PRKG1: variants seen among roughly 807,000 people sequenced by gnomAD.
PRKG1 encodes the protein cGMP-dependent protein kinase 1.
A neutral mutation model predicts 88.1 loss-of-function variants in PRKG1; 35 were observed. The ratio of observed to expected loss-of-function variants is 0.40; its 90% CI spans 0.30 to 0.53. The LOEUF is 0.53. Among genes scored for constraint, PRKG1 ranks in the 20% least tolerant of loss-of-function variants. The pLI, the probability that PRKG1 is intolerant of heterozygous loss-of-function variation, is 0.59. For synonymous variants in PRKG1, 303 were observed against 292.5 expected, an observed-to-expected ratio of 1.04 and a Z score of -0.37; for missense variants, 540 against 839.8, an observed-to-expected ratio of 0.64 and a Z score of 4.41.
intron 2 of PRKG1, among the ~76,000 whole-genome samples, chr10:51,458,363 G>C (rs900225288): frequency 5.3e-5 from 8 of 151,862 alleles, no homozygotes; most frequent in South Asian, 4.1e-4. Flanking sequence ...ACACAAGCAT[G>C]CTCACAGGAA....
intron 3 of PRKG1, among the ~76,000 whole-genome samples, chr10:51,500,909 A>G (rs1184312746): frequency 1.3e-5 from 2 of 152,176 alleles, no homozygotes; most frequent in African/African-American, 4.8e-5. Flanking sequence ...CTGTCCATTG[A>G]TTTATTAGGT....
intron 2 of PRKG1, among the ~76,000 whole-genome samples, chr10:51,453,970 A>C (rs1839509327): frequency 6.6e-6 from 1 of 152,104 alleles, no homozygotes; most frequent in Non-Finnish European, 1.5e-5. Flanking sequence ...GCTGAGAGTC[A>C]AATCAAAAAC....
chr10:51,015,914 G>A (rs1413003792), intron 1 of PRKG1, among the ~76,000 whole-genome samples: 36 of 152,062 alleles, frequency 2.4e-4, no homozygotes, highest in Admixed American at 2.4e-3. Flanking sequence ...AGAGATAGAG[G>A]AAGCCCTCTG....
chr10:51,011,042 TGGATCCTAGCACATCATAACTAAA>T (rs1842988140), intron 1 of PRKG1, among the ~76,000 whole-genome samples: 1 of 152,216 alleles, frequency 6.6e-6, no homozygotes, highest in Non-Finnish European at 1.5e-5. Flanking sequence ...GATTCTCCAG[TGGATCCTAGCACATCATAACTAAA>T]AAGCACCAAT....
At chr10:51,808,327 T>G (rs1839360840) in intron 4 of PRKG1, among the ~76,000 whole-genome samples, 1 of 152,164 alleles carries the variant, frequency 6.6e-6, no homozygotes, top group South Asian at 2.1e-4. Flanking sequence ...CTGGGTGTAG[T>G]GGCTCAGGCC....
chr10:51,540,997 G>A (rs943618715), intron 3 of PRKG1, among the ~76,000 whole-genome samples: 1 of 152,140 alleles, frequency 6.6e-6, no homozygotes, highest in South Asian at 2.1e-4. Flanking sequence ...GATTACAGGC[G>A]TGAGCCACCA....
intron 7 of PRKG1, among the ~76,000 whole-genome samples, chr10:52,072,222 T>G (rs1420146435): frequency 6.7e-6 from 1 of 148,220 alleles, no homozygotes; most frequent in Admixed American, 6.9e-5. Context: ...ATTAATTTGG[T>G]TTTTAGTGAA....
intron 5 of PRKG1, among the ~76,000 whole-genome samples, chr10:51,929,885 A>G (rs900976154): frequency 1.3e-5 from 2 of 152,182 alleles, no homozygotes; most frequent in African/African-American, 2.4e-5. Context: ...AACACCATGA[A>G]ACGTACTGTG....
intron 1 of PRKG1, among the ~76,000 whole-genome samples, chr10:51,022,377 G>A (rs757370561): frequency 6.6e-6 from 1 of 152,168 alleles, no homozygotes; most frequent in Non-Finnish European, 1.5e-5. Context: ...CTCCTCTTCA[G>A]GGCACTGTTG....
chr10:51,260,092 A>G (rs1185420714), intron 2 of PRKG1, among the ~76,000 whole-genome samples: 2 of 152,162 alleles, frequency 1.3e-5, no homozygotes, highest in Non-Finnish European at 2.9e-5. Flanking sequence ...TTTTAATTAG[A>G]GTGAGGTTGT....
intron 2 of PRKG1, among the ~76,000 whole-genome samples, chr10:51,236,353 C>T (rs1838987908): frequency 6.6e-6 from 1 of 151,898 alleles, no homozygotes; most frequent in Non-Finnish European, 1.5e-5. Flanking sequence ...TGTTTATTTC[C>T]TGTGGTATCA....
chr10:51,252,125 C>A (rs1215621074), intron 2 of PRKG1, among the ~76,000 whole-genome samples: 2 of 151,578 alleles, frequency 1.3e-5, no homozygotes, highest in Non-Finnish European at 1.5e-5. Context: ...CAGATCAGAC[C>A]ATATACTGGC....
intron 5 of PRKG1, among the ~76,000 whole-genome samples, chr10:52,013,070 G>A (rs956692469): frequency 1.3e-5 from 2 of 152,166 alleles, no homozygotes. Flanking sequence ...GGCTGCATAC[G>A]TATAATTCTA....
chr10:51,154,773 C>T (rs1249665213), intron 2 of PRKG1, among the ~76,000 whole-genome samples: 1 of 151,864 alleles, frequency 6.6e-6, no homozygotes, highest in Non-Finnish European at 1.5e-5. Flanking sequence ...AGACTTTCTT[C>T]TGGTGACAAA....
In PRKG1 at chr10:51,054,274, A is replaced by T. The variant is rs183714163; in HGVS notation, c.266+62630A>T. ...GTTCCAATTCTGTTTTTAAAGTGCA[A>T]TTACATAGAAGGCATCAAGAGAATT... On this transcript the variant is annotated intron_variant, in intron 1 of 17. Transcript: ENST00000401604. 5.3e-5 allele frequency among the ~76,000 whole-genome samples: 8 copies of T among 152,312 alleles called. No individual in the cohort carries two copies. In the East Asian group the frequency reaches 1.3e-3, roughly 26 times the overall value.
chr10:52,280,605 A>G (rs1352463865), intron 12 of PRKG1, among the ~76,000 whole-genome samples, 184 bp from the exon 13 acceptor site: 1 of 152,136 alleles, frequency 6.6e-6, no homozygotes, highest in Non-Finnish European at 1.5e-5. Context: ...AGAATTCCTT[A>G]ACTTGATCCT....
intron 3 of PRKG1, among the ~76,000 whole-genome samples, chr10:51,776,707 T>A (rs1033774614): frequency 6.6e-6 from 1 of 151,886 alleles, no homozygotes; most frequent in Non-Finnish European, 1.5e-5. Context: ...CACCTGTTAA[T>A]CCCAGTAACT....
At chr10:52,130,581 A>C (rs1469523707) in intron 7 of PRKG1, among the ~76,000 whole-genome samples, 2 of 152,074 alleles carry the variant, frequency 1.3e-5, no homozygotes, top group African/African-American at 4.8e-5. Flanking sequence ...TTAGTATTAT[A>C]TTTTCTATTT....
chr10:51,727,257 A>G (rs1409295849), intron 3 of PRKG1, among the ~76,000 whole-genome samples: 1 of 150,312 alleles, frequency 6.7e-6, no homozygotes, highest in African/African-American at 2.5e-5. Context: ...CCTGGGCAAC[A>G]CAGTAAGACC....
Sources: allele counts gnomAD v4.1 joint callset (sites outside exome capture counted in the v4.1 genomes callset), GRCh38; gene constraint gnomAD v4.1.1; transcripts MANE v1.5; gene names NCBI Gene and HGNC (gene_info 2026-07-23, HGNC 2026-07-21).